The following CREB5 variants were observed in gnomAD, a reference collection of about 807,000 sequenced individuals.
The protein encoded by CREB5 is cAMP responsive element binding protein 5, also known as cyclic AMP-responsive element-binding protein 5.
In CREB5, 19 loss-of-function variants were observed where a neutral mutation model predicts 57.1. The observed-to-expected ratio is 0.33, with a 90% CI of 0.23 to 0.49. The LOEUF is 0.49. Ranked by LOEUF, CREB5 falls within the 20% of genes least tolerant of loss-of-function variation. CREB5 has a pLI of 0.99. For synonymous variants in CREB5, 238 were observed against 238.3 expected (o/e 1.00, Z 0.01); for missense variants, 579 against 671.6 (o/e 0.86, Z 1.52).
In CREB5 at chr7:28,822,801, G is replaced by A. The variant is rs1015121798; in HGVS notation, c.*3522G>A. ...TAGAGTGAAAATCCCAGCCATGGATGAATGTACTAATTTGAAAGCCAAGTG... is the reference window on the plus strand; with the variant it reads ...TAGAGTGAAAATCCCAGCCATGGATAAATGTACTAATTTGAAAGCCAAGTG... On this transcript the variant is annotated 3_prime_UTR_variant, in exon 11 of 11. Coordinates refer to ENST00000357727, the MANE Select transcript of CREB5 (RefSeq NM_182898.4). 42 of 152,518 alleles carry A rather than the reference G, an allele frequency of 2.8e-4. No homozygotes were observed. Among genetic ancestry groups the A allele is most frequent in the African/African-American group, 9.9e-4 (41 of 41,450 alleles). The allele number at this position is 152,518 out of a possible 1,614,324, so 9.4% of individuals were successfully genotyped here. A position where few individuals can be genotyped will look rare whatever the true frequency, so the allele number is the denominator to read the frequency against.
At chr7:28,382,927 T>C (rs1786994427) in intron 1 of CREB5, among the ~76,000 whole-genome samples, 1 of 152,018 alleles carries the variant, frequency 6.6e-6, no homozygotes, top group Non-Finnish European at 1.5e-5. Flanking sequence ...CCTGGCTGTC[T>C]GAAAGAGGGA....
chr7:28,479,820 C>T (rs1021856904), intron 1 of CREB5, among the ~76,000 whole-genome samples: 3 of 152,190 alleles, frequency 2.0e-5, no homozygotes, highest in African/African-American at 4.8e-5. Context: ...ATGAAATAGT[C>T]TCTTCCTGGT....
chr7:28,530,676 A>G lies in CREB5; in HGVS notation c.291+22939A>G, dbSNP rs114141259. Among the ~76,000 whole-genome samples, 1,132 of 152,272 alleles carry G rather than the reference A, an allele frequency of 7.4e-3. 16 individuals carry two copies. Among genetic ancestry groups the G allele is most frequent in the African/African-American group, 0.025 (1,041 of 41,550 alleles). On this transcript the variant is annotated intron_variant, in intron 4 of 10. Transcript: ENST00000357727. ...AAACTTTACCCTGGCTTTTCGCCATAGTTAGCTTTGTTTGTGTTCTTCAGA... is the reference window on the plus strand; with the variant it reads ...AAACTTTACCCTGGCTTTTCGCCATGGTTAGCTTTGTTTGTGTTCTTCAGA...
At chr7:28,410,433 G>C (rs896738282), upstream of CREB5, 4 of 456,612 alleles carry the variant, frequency 8.8e-6, no homozygotes, top group African/African-American at 8.0e-5. Flanking sequence ...AACTTTTCAC[G>C]AAGTTCTTAG....
At chr7:28,758,816 G>C (rs1264648512) in intron 7 of CREB5, among the ~76,000 whole-genome samples, 1 of 152,202 alleles carries the variant, frequency 6.6e-6, no homozygotes, top group Non-Finnish European at 1.5e-5. Flanking sequence ...AATTGTCAGA[G>C]CTGGTTTATA....
At chr7:28,772,181 A>G (rs2282907) in intron 7 of CREB5, among the ~76,000 whole-genome samples, 68,311 of 151,946 alleles carry the variant, frequency 0.45, 17,062 homozygotes, top group East Asian at 0.77. Context: ...ATTTGGCAGA[A>G]TCTCTCTTTA....
intron 1 of CREB5, among the ~76,000 whole-genome samples, chr7:28,389,180 A>G (rs958597762): frequency 1.3e-5 from 2 of 152,230 alleles, no homozygotes; most frequent in Admixed American, 6.5e-5. Flanking sequence ...AAATCTGCAC[A>G]TTAGTTATGT....
chr7:28,666,058 A>T (rs1799811165), intron 5 of CREB5, among the ~76,000 whole-genome samples: 1 of 152,166 alleles, frequency 6.6e-6, no homozygotes, highest in Non-Finnish European at 1.5e-5. Context: ...AAAAAATAGT[A>T]AACATTTTTA....
At chr7:28,575,276 C>T (rs1462518500) in intron 5 of CREB5, among the ~76,000 whole-genome samples, 2 of 152,106 alleles carry the variant, frequency 1.3e-5, no homozygotes, top group Non-Finnish European at 2.9e-5. Context: ...CGTTCCTGCC[C>T]AGTGTTCCCT....
At chr7:28,480,782 T>G (rs1169261228) in intron 1 of CREB5, among the ~76,000 whole-genome samples, 1 of 152,134 alleles carries the variant, frequency 6.6e-6, no homozygotes, top group African/African-American at 2.4e-5. Flanking sequence ...CTAAATGCGG[T>G]TCATACGCAT....
chr7:28,523,956 G>T (rs543166400), intron 4 of CREB5, among the ~76,000 whole-genome samples: 1 of 152,264 alleles, frequency 6.6e-6, no homozygotes, highest in Non-Finnish European at 1.5e-5. Context: ...TTATCACAGG[G>T]CTCTGCCTGT....
chr7:28,607,493 T>G (rs939753193), intron 5 of CREB5, among the ~76,000 whole-genome samples: 1 of 152,172 alleles, frequency 6.6e-6, no homozygotes, highest in African/African-American at 2.4e-5. Context: ...ACAAGCTGGG[T>G]TCACTTTGCT....
intron 7 of CREB5, among the ~76,000 whole-genome samples, chr7:28,775,543 C>CATATATATATATATATATATATATAT (rs56224961): frequency 0.017 from 2,087 of 119,348 alleles, 56 homozygotes; most frequent in East Asian, 0.042. Context: ...ATTCCTTAGC[C>CATATATATATATATATATATATATAT]ATATATATAT....
intron 1 of CREB5, among the ~76,000 whole-genome samples, chr7:28,352,557 C>T (rs889734238): frequency 6.6e-6 from 1 of 152,152 alleles, no homozygotes; most frequent in Non-Finnish European, 1.5e-5. Context: ...TTTCTTTTTG[C>T]TCAGCTCTTC....
intron 7 of CREB5, among the ~76,000 whole-genome samples, chr7:28,797,991 T>C (rs1163471336): frequency 6.6e-6 from 1 of 152,116 alleles, no homozygotes; most frequent in East Asian, 1.9e-4. Flanking sequence ...CAGTAATGCT[T>C]TGGAGAGGCC....
chr7:28,642,308 T>G (rs1798689918), intron 5 of CREB5, among the ~76,000 whole-genome samples: 1 of 152,168 alleles, frequency 6.6e-6, no homozygotes, highest in African/African-American at 2.4e-5. Flanking sequence ...TTTTTGTAGT[T>G]CAACAGCAGT....
At chr7:28,556,729 C>T (rs890079266) in intron 4 of CREB5, among the ~76,000 whole-genome samples, 3 of 152,148 alleles carry the variant, frequency 2.0e-5, no homozygotes, top group African/African-American at 4.8e-5. Context: ...GCCCTGAAAG[C>T]CTGGCCCGTA....
At chr7:28,529,196 C>A (rs1793609359) in intron 4 of CREB5, among the ~76,000 whole-genome samples, 1 of 152,218 alleles carries the variant, frequency 6.6e-6, no homozygotes, top group Admixed American at 6.5e-5. Flanking sequence ...GACCAGCTGA[C>A]CCCTGGAGGG....
At chr7:28,761,940 C>A (rs1240015289) in intron 7 of CREB5, among the ~76,000 whole-genome samples, 1 of 152,096 alleles carries the variant, frequency 6.6e-6, no homozygotes, top group Non-Finnish European at 1.5e-5. Context: ...GAGTTCGCAA[C>A]ATAAAGATAA....
Sources: allele counts gnomAD v4.1 joint callset (sites outside exome capture counted in the v4.1 genomes callset), GRCh38; gene constraint gnomAD v4.1.1; transcripts MANE v1.5; gene names NCBI Gene and HGNC (gene_info 2026-07-23, HGNC 2026-07-21).